Variants in SARNP observed in about 807,000 individuals in gnomAD.
The protein encoded by SARNP is SAP domain containing ribonucleoprotein.
In SARNP, 5 loss-of-function variants were observed where a neutral mutation model predicts 38.1. That is an observed-to-expected ratio of 0.13 (90% CI 0.07 to 0.28). SARNP has a LOEUF of 0.28. SARNP is among the 10% of genes least tolerant of loss of function. The pLI, the probability that SARNP is intolerant of heterozygous loss-of-function variation, is 1.00. For missense variants in SARNP, 180 were observed against 243.9 expected, an observed-to-expected ratio of 0.74 and a Z score of 1.75; for synonymous variants, 84 against 80.6, an observed-to-expected ratio of 1.04 and a Z score of -0.23.
At chr12:55,808,327 T>C (rs1267290464) in intron 1 of SARNP, among the ~76,000 whole-genome samples, 1 of 151,712 alleles carries the variant, frequency 6.6e-6, no homozygotes, top group East Asian at 1.9e-4. Flanking sequence ...CTACAATTTT[T>C]TTTTTTTTGA....
intron 9 of SARNP, among the ~76,000 whole-genome samples, chr12:55,787,396 T>C (rs1294828130): frequency 6.6e-6 from 1 of 152,220 alleles, no homozygotes; most frequent in African/African-American, 2.4e-5. Context: ...TTCCAATGGC[T>C]TTCTAGAGAG....
intron 9 of SARNP, among the ~76,000 whole-genome samples, chr12:55,772,876 G>A (rs755353357): frequency 3.3e-5 from 5 of 152,002 alleles, no homozygotes; most frequent in African/African-American, 4.8e-5. Context: ...CACCACGCCC[G>A]GCTAATTTTG....
intron 5 of SARNP, among the ~76,000 whole-genome samples, chr12:55,795,584 G>A (rs1217380504): frequency 6.6e-6 from 1 of 152,136 alleles, no homozygotes; most frequent in Non-Finnish European, 1.5e-5. Flanking sequence ...TTCTAAAAGA[G>A]TTTAATAATT....
intron 8 of SARNP, among the ~76,000 whole-genome samples, chr12:55,789,514 T>G (rs1879601134): frequency 6.6e-6 from 1 of 152,226 alleles, no homozygotes; most frequent in Non-Finnish European, 1.5e-5. Flanking sequence ...AAGTATTTCT[T>G]AACTCTATCT....
At chr12:55,774,879 A>ATTTTT (rs1555172031) in intron 9 of SARNP, among the ~76,000 whole-genome samples, 1 of 127,578 alleles carries the variant, frequency 7.8e-6, no homozygotes, top group Non-Finnish European at 1.6e-5. Flanking sequence ...ACACATTTCT[A>ATTTTT]TTTGTTTTTT....
chr12:55,774,678 G>C (rs1879120374), intron 9 of SARNP, among the ~76,000 whole-genome samples: 1 of 151,540 alleles, frequency 6.6e-6, no homozygotes, highest in Admixed American at 6.6e-5. Flanking sequence ...AACCCAGGAA[G>C]TGGAGGTTGC....
rs1438352425 is a variant in SARNP at position 55,789,181 on chromosome 12, A to G, written c.433-38T>C. On this transcript the variant is annotated intron_variant, in intron 8 of 10. Transcript: ENST00000336133. ...AGGGGAAAGAACATAGTTTTAAAAA[A>G]TCAAAACGGAAAACAAAAAATGCAG... 3 of 1,446,106 alleles carry G rather than the reference A, an allele frequency of 2.1e-6. 1 individual carries two copies. The highest frequency in any genetic ancestry group is 2.8e-6 in the Non-Finnish European group (3 of 1,054,576). 89.6% of individuals were successfully genotyped at this position (1,446,106 alleles called of 1,614,324 possible).
At position 55,800,875 on chromosome 12, in the gene SARNP, A is replaced by G. The variant is rs1565681445; in HGVS notation, c.162T>C (p.Asp54=). ...TCACCTCTGTTTCATCTCCCAGTACATCTTCTTCATTTGCCTCCTCTTCAG... is the reference window on the plus strand; with the variant it reads ...TCACCTCTGTTTCATCTCCCAGTACGTCTTCTTCATTTGCCTCCTCTTCAG... ...EHAEEEANEE[D]VLGDETEEEE... is the part of the protein sequence containing the mutation. The change falls in exon 3 of 11, where the codon GAT becomes GAC. Residue 54 remains aspartate (D), a synonymous_variant. Coordinates refer to ENST00000336133, the MANE Select transcript of SARNP (RefSeq NM_033082.4). 1 of 1,613,366 alleles carries G rather than the reference A, an allele frequency of 6.2e-7. No homozygotes were observed.
At chr12:55,812,175 T>G (rs141254692) in intron 1 of SARNP, among the ~76,000 whole-genome samples, 2 of 152,316 alleles carry the variant, frequency 1.3e-5, no homozygotes, top group East Asian at 3.9e-4. Flanking sequence ...TCTTGTGCTA[T>G]TCCTCTAACA....
At chr12:55,807,895 A>G (rs1880204070) in intron 1 of SARNP, among the ~76,000 whole-genome samples, 1 of 152,008 alleles carries the variant, frequency 6.6e-6, no homozygotes. Context: ...CTTCCTGGAG[A>G]ACAAGTCTTT....
At chr12:55,795,588 A>C (rs564986609) in intron 5 of SARNP, among the ~76,000 whole-genome samples, 61 of 152,318 alleles carry the variant, frequency 4.0e-4, no homozygotes, top group Admixed American at 1.2e-3. Flanking sequence ...AAAAGAGTTT[A>C]ATAATTCTCT....
At chr12:55,809,174 C>T (rs1441107200) in intron 1 of SARNP, among the ~76,000 whole-genome samples, 5 of 152,102 alleles carry the variant, frequency 3.3e-5, no homozygotes, top group Admixed American at 3.3e-4. Context: ...CCACTGCACT[C>T]CAGCCTGGGT....
chr12:55,787,779 C>T (rs545390313), intron 9 of SARNP, among the ~76,000 whole-genome samples: 2 of 148,764 alleles, frequency 1.3e-5, no homozygotes, highest in African/African-American at 5.0e-5. Context: ...GACGGAGTCT[C>T]GCTCTGTCGC....
intron 10 of SARNP, 49 bp downstream of exon 10, chr12:55,760,502 A>G (rs1182045871): frequency 8.2e-6 from 8 of 977,718 alleles, no homozygotes; most frequent in Admixed American, 1.8e-5. Flanking sequence ...CAGTTTATTC[A>G]CTCTAATTTC....
chr12:55,801,883 G>T (rs1262499214), intron 2 of SARNP, among the ~76,000 whole-genome samples: 2 of 152,086 alleles, frequency 1.3e-5, no homozygotes, highest in East Asian at 3.8e-4. Context: ...CTCCCAAAGT[G>T]CTGAGTTACA....
intron 9 of SARNP, among the ~76,000 whole-genome samples, chr12:55,767,447 G>A (rs1878870719): frequency 6.6e-6 from 1 of 152,042 alleles, no homozygotes; most frequent in Admixed American, 6.6e-5. Flanking sequence ...TACTCGAGAG[G>A]CTGATGGGGG....
chr12:55,777,960 G>T (rs1879230476), intron 9 of SARNP, among the ~76,000 whole-genome samples: 1 of 152,128 alleles, frequency 6.6e-6, no homozygotes, highest in Non-Finnish European at 1.5e-5. Context: ...ACACATAATT[G>T]ACATCATTGA....
At chr12:55,757,583 T>TA (rs746334163) in intron 10 of SARNP, 30 bp from the exon 11 acceptor site, 1 of 1,591,744 alleles carries the variant, frequency 6.3e-7, no homozygotes, top group African/African-American at 1.4e-5. Flanking sequence ...AGAAAAAAAT[T>TA]AGACTGAAGA....
At chr12:55,780,361 G>A (rs1879306000) in intron 9 of SARNP, among the ~76,000 whole-genome samples, 1 of 152,070 alleles carries the variant, frequency 6.6e-6, no homozygotes, top group African/African-American at 2.4e-5. Flanking sequence ...GGCTGAGGCA[G>A]GAGAATTGCT....
Sources: allele counts gnomAD v4.1 joint callset (sites outside exome capture counted in the v4.1 genomes callset), GRCh38; gene constraint gnomAD v4.1.1; transcripts MANE v1.5; gene names NCBI Gene and HGNC (gene_info 2026-07-23, HGNC 2026-07-21).